C1orf21: variants seen among roughly 807,000 people sequenced by gnomAD.
The protein encoded by C1orf21 is chromosome 1 open reading frame 21.
Under a neutral mutation model 18.7 loss-of-function variants are expected in C1orf21, and 3 were observed. The observed-to-expected ratio is 0.16, with a 90% CI of 0.07 to 0.42. The LOEUF is 0.42. Among genes scored for constraint, C1orf21 ranks in the 10% least tolerant of loss-of-function variants. The pLI, the probability that C1orf21 is intolerant of heterozygous loss-of-function variation, is 0.99. For synonymous variants in C1orf21, 41 were observed against 46.4 expected (o/e 0.88, Z 0.47); for missense variants, 104 against 143.6 (o/e 0.72, Z 1.41).
At chr1:184,578,993 T>TAAAAAAAAA (rs67905484) in intron 3 of C1orf21, among the ~76,000 whole-genome samples, 1 of 121,686 alleles carries the variant, frequency 8.2e-6, no homozygotes, top group Non-Finnish European at 1.7e-5. Flanking sequence ...TTGTGAAGGT[T>TAAAAAAAAA]AAAAAAAAAA....
At chr1:184,566,824 A>G in intron 3 of C1orf21, 1 of 470,204 alleles carries the variant, frequency 2.1e-6, no homozygotes, top group South Asian at 1.7e-5. Flanking sequence ...AAATTTTACA[A>G]AGACTAGAGT....
chr1:184,590,609 C>A, intron 3 of C1orf21, 130 bp from the exon 4 acceptor site: 2 of 792,334 alleles, frequency 2.5e-6, no homozygotes, highest in South Asian at 1.8e-5. Flanking sequence ...AGGACTTTTG[C>A]CCTTGTGAGG....
chr1:184,428,368 A>C (rs1239168184), intron 1 of C1orf21, among the ~76,000 whole-genome samples: 1 of 152,238 alleles, frequency 6.6e-6, no homozygotes. Flanking sequence ...AGCTGAGAAG[A>C]GGAAGAGGAT....
At chr1:184,472,815 T>C (rs1225832525) in intron 1 of C1orf21, among the ~76,000 whole-genome samples, 2 of 152,222 alleles carry the variant, frequency 1.3e-5, no homozygotes, top group African/African-American at 4.8e-5. Flanking sequence ...GGGAGAACTT[T>C]CTCATGTTGT....
chr1:184,426,568 C>T (rs746783544), intron 1 of C1orf21, among the ~76,000 whole-genome samples: 53 of 152,182 alleles, frequency 3.5e-4, no homozygotes, highest in Non-Finnish European at 5.0e-4. Flanking sequence ...CACTTAGGCT[C>T]TTTCTTCTTG....
chr1:184,460,620 G>GTCGTCGTCGTCTTCTTCTTCTTCTTCT (rs1284129710), intron 1 of C1orf21, among the ~76,000 whole-genome samples: 1 of 112,040 alleles, frequency 8.9e-6, no homozygotes, highest in African/African-American at 4.0e-5. Context: ...TGTCGTCGTC[G>GTCGTCGTCGTCTTCTTCTTCTTCTTCT]TCTTCTTCTT....
intron 3 of C1orf21, among the ~76,000 whole-genome samples, chr1:184,557,537 A>G (rs1192937796): frequency 6.6e-6 from 1 of 152,224 alleles, no homozygotes; most frequent in Non-Finnish European, 1.5e-5. Context: ...CACTTAGAAT[A>G]ATGGTCTCCA....
chr1:184,574,214 CAAAA>C (rs1558006162), intron 3 of C1orf21, among the ~76,000 whole-genome samples: 1 of 151,012 alleles, frequency 6.6e-6, no homozygotes, highest in Non-Finnish European at 1.5e-5. Flanking sequence ...CAAAACGAAA[CAAAA>C]AAAAGAAGTG....
At chr1:184,500,839 C>A (rs1361667680) in intron 2 of C1orf21, among the ~76,000 whole-genome samples, 4 of 152,134 alleles carry the variant, frequency 2.6e-5, no homozygotes, top group Admixed American at 2.6e-4. Flanking sequence ...GAAGGCATGT[C>A]TGTTGGAGGA....
At chr1:184,491,222 G>A (rs56411764) in intron 2 of C1orf21, among the ~76,000 whole-genome samples, 140 of 152,184 alleles carry the variant, frequency 9.2e-4, no homozygotes, top group Non-Finnish European at 1.6e-3. Context: ...CTTTATGACA[G>A]TAAAGTTTAG....
intron 5 of C1orf21, among the ~76,000 whole-genome samples, chr1:184,612,871 T>C (rs1659759450): frequency 6.6e-6 from 1 of 152,210 alleles, no homozygotes; most frequent in African/African-American, 2.4e-5. Context: ...ACTTTTATTA[T>C]AGTATATTAT....
At chr1:184,449,509 T>C (rs1571363283) in intron 1 of C1orf21, among the ~76,000 whole-genome samples, 1 of 152,168 alleles carries the variant, frequency 6.6e-6, no homozygotes, top group East Asian at 1.9e-4. Flanking sequence ...GCAATAAACA[T>C]ATATGTGCAT....
intron 3 of C1orf21, among the ~76,000 whole-genome samples, chr1:184,571,166 G>A (rs1425462472): frequency 6.6e-6 from 1 of 150,960 alleles, no homozygotes; most frequent in Non-Finnish European, 1.5e-5. Context: ...GCGTAGTGGC[G>A]GGCGCCTGTA....
chr1:184,501,857 A>G (rs934080017), intron 2 of C1orf21, among the ~76,000 whole-genome samples: 2 of 152,194 alleles, frequency 1.3e-5, no homozygotes, highest in African/African-American at 4.8e-5. Context: ...GGGAGTTCAT[A>G]GAAGTCAATA....
intron 3 of C1orf21, among the ~76,000 whole-genome samples, chr1:184,524,477 A>G (rs1398931476): frequency 1.3e-5 from 2 of 152,158 alleles, no homozygotes; most frequent in African/African-American, 2.4e-5. Flanking sequence ...ATTGTACCCC[A>G]CAAGAACATT....
intron 3 of C1orf21, among the ~76,000 whole-genome samples, chr1:184,533,815 G>T (rs548516228): frequency 3.0e-4 from 45 of 152,330 alleles, no homozygotes; most frequent in African/African-American, 1.1e-3. Context: ...AGTGGGCAGT[G>T]AATGGGGTAT....
chr1:184,449,145 A>T (rs1657078363), intron 1 of C1orf21, among the ~76,000 whole-genome samples: 1 of 152,008 alleles, frequency 6.6e-6, no homozygotes, highest in Non-Finnish European at 1.5e-5. Context: ...GGTGTGCTGC[A>T]CCCATTAACT....
intron 2 of C1orf21, among the ~76,000 whole-genome samples, chr1:184,484,485 A>G (rs1193795961): frequency 2.6e-5 from 4 of 152,218 alleles, no homozygotes; most frequent in Non-Finnish European, 4.4e-5. Flanking sequence ...ATTTGTTTAT[A>G]TGTCTAATCT....
Position 184,477,526 on chromosome 1 carries a change from C to T in C1orf21, c.17C>T (p.Ala6Val), listed in dbSNP as rs1571376796. 1 of 1,613,902 alleles carries T rather than the reference C, an allele frequency of 6.2e-7. No homozygotes were observed. Residue 6 changes from alanine (A) to valine (V), a missense_variant, in exon 2 of 6, where the codon GCC (alanine) becomes GTC (valine). Physicochemically the swap from Ala to Val is moderately conservative, Grantham distance 64. Transcript: ENST00000235307. MGCASAKHVATVQNEE... is the reference protein window; with the variant it reads MGCASVKHVATVQNEE... ...AATGAGACTATGGGCTGTGCCTCCG[C>T]CAAGCATGTTGCCACTGTTCAAAAT...
Sources: gnomAD v4.1 joint callset for allele counts (sites outside exome capture counted in the v4.1 genomes callset) on GRCh38, gnomAD v4.1.1 for gene constraint, MANE v1.5 for transcripts, NCBI Gene and HGNC (gene_info 2026-07-23, HGNC 2026-07-21) for gene names.